Variants in XIST observed in about 807,000 individuals in gnomAD.
XIST encodes X inactive specific transcript, also known as X inactive specific transcript (non-protein coding).
exon 6 of XIST, chrX:73,821,109 G>T: frequency 3.6e-6 from 2 of 558,246 alleles, no homozygotes; most frequent in South Asian, 2.2e-5. Context: ...GAAGAAAGGG[G>T]TGTTACTGAG....
exon 1 of XIST, chrX:73,850,756 G>T (rs1922911710): frequency 2.0e-5 from 5 of 246,436 alleles, no homozygotes; most frequent in Non-Finnish European, 3.7e-5. Flanking sequence ...AGTTGGGGGG[G>T]TTGGGGGGTG....
At chrX:73,846,724 C>G (rs373681270) in exon 1 of XIST, 8 of 559,131 alleles carry the variant, frequency 1.4e-5, no homozygotes, top group Non-Finnish European at 1.9e-5. Flanking sequence ...TCGACAAATA[C>G]AATCACACAT....
exon 1 of XIST, chrX:73,844,404 T>C (rs758111966): frequency 5.4e-6 from 3 of 558,481 alleles, no homozygotes; most frequent in East Asian, 3.3e-5. Flanking sequence ...CCTTATCTAG[T>C]ACACAAGAAT....
At chrX:73,845,734 A>G (rs1435230131) in exon 1 of XIST, 1 of 535,408 alleles carries the variant, frequency 1.9e-6, no homozygotes, top group African/African-American at 2.4e-5. Flanking sequence ...GTGGTCACTT[A>G]TAATTGTGCA....
chrX:73,837,364 C>A, intron 2 of XIST: 1 of 424,624 alleles, frequency 2.4e-6, no homozygotes, highest in Non-Finnish European at 4.1e-6. Context: ...GAGAGACATT[C>A]TATAGAATAC....
chrX:73,851,572 A>G lies in XIST; in HGVS notation n.1152T>C, dbSNP rs768002244. 47 of 557,372 alleles carry G rather than the reference A, an allele frequency of 8.4e-5. No homozygotes were observed. In the East Asian group the frequency reaches 1.3e-3, roughly 16 times the overall value. The allele number at this position is 557,372 out of a possible 1,213,427, so 45.9% of individuals were successfully genotyped here. ...TCAAAATCGCCATTTTAAGCCCTGC[A>G]CCTTAGTCTTTCCTAACCTTCCATT... On this transcript the variant is annotated non_coding_transcript_exon_variant, in exon 1 of 6. Transcript: ENST00000429829.
exon 1 of XIST, chrX:73,849,785 T>C: frequency 1.9e-6 from 1 of 531,932 alleles, no homozygotes; most frequent in Non-Finnish European, 3.4e-6. Context: ...CAATGAAAAT[T>C]AGAGTGACTT....
intron 1 of XIST, among the ~76,000 whole-genome samples, chrX:73,839,516 C>G (rs67249756): frequency 0.094 from 10,410 of 110,931 alleles, 611 homozygotes; most frequent in African/African-American, 0.21. Context: ...CTGAACCAAA[C>G]TCAGAGCCAG....
At chrX:73,846,048 C>T in exon 1 of XIST, 1 of 557,362 alleles carries the variant, frequency 1.8e-6, no homozygotes, top group Non-Finnish European at 3.2e-6. Flanking sequence ...CTTGATTGTC[C>T]AAACGTAAGC....
At chrX:73,850,601 T>C (rs369472479) in exon 1 of XIST, 12 of 520,695 alleles carry the variant, frequency 2.3e-5, no homozygotes, top group Non-Finnish European at 4.1e-5. Context: ...ATTCTGGTCC[T>C]TGCCACGGCT....
chrX:73,834,916 C>T (rs2147700884), intron 2 of XIST, among the ~76,000 whole-genome samples: 1 of 106,434 alleles, frequency 9.4e-6, no homozygotes, highest in South Asian at 4.4e-4. Flanking sequence ...ATTGCTTGAT[C>T]ATGGGGGAAG....
chrX:73,850,064 A>G (rs1922878360), exon 1 of XIST: 1 of 557,071 alleles, frequency 1.8e-6, no homozygotes, highest in Non-Finnish European at 3.2e-6. Flanking sequence ...GTAGGTGATT[A>G]GTCAATTAGT....
exon 1 of XIST, chrX:73,842,194 G>A: frequency 2.0e-6 from 1 of 512,354 alleles, no homozygotes; most frequent in Non-Finnish European, 3.5e-6. Context: ...ATAATAATAA[G>A]CAATTTTTCT....
chrX:73,849,384 G>T (rs1569512796), exon 1 of XIST: 1 of 558,965 alleles, frequency 1.8e-6, no homozygotes, highest in Admixed American at 2.2e-5. Flanking sequence ...CAATGGGTAG[G>T]ATTATTGGCA....
chrX:73,827,752 A>G lies in XIST; in HGVS notation n.12149T>C, dbSNP rs758714784. The stretch of plus-strand genomic sequence containing the variant: ...ATGTGACCCAAAAAGGAGACATGAA[A>G]TAAAGCGTGAAAGAAGAGCCACATC... On this transcript the variant is annotated non_coding_transcript_exon_variant, in exon 6 of 6. Transcript: ENST00000429829. 4 of 547,247 alleles carry G rather than the reference A, an allele frequency of 7.3e-6. No homozygotes were observed. In the Admixed American group the frequency reaches 9.2e-5, roughly 13 times the overall value. The allele number at this position is 547,247 out of a possible 1,213,427, so 45.1% of individuals were successfully genotyped here.
At chrX:73,824,172 G>A (rs941395871) in exon 6 of XIST, 5 of 516,610 alleles carry the variant, frequency 9.7e-6, no homozygotes, top group African/African-American at 2.3e-5. Context: ...ACACAATAAA[G>A]ATGGTTTATC....
chrX:73,845,859 G>A (rs779039267), exon 1 of XIST: 1 of 538,838 alleles, frequency 1.9e-6, no homozygotes, highest in African/African-American at 2.5e-5. Context: ...TAATACACAG[G>A]AACCCAGACA....
chrX:73,845,474 G>A (rs765647129), exon 1 of XIST: 1 of 556,812 alleles, frequency 1.8e-6, no homozygotes, highest in Middle Eastern at 3.1e-4. Flanking sequence ...AGGGTATATG[G>A]AGTGGACACT....
exon 1 of XIST, chrX:73,849,353 G>A (rs377613290): frequency 1.6e-5 from 9 of 557,010 alleles, no homozygotes; most frequent in Admixed American, 1.3e-4. Flanking sequence ...ATGCAAATGG[G>A]GTTCAGAGTG....
Sources: gnomAD v4.1 joint callset for allele counts (sites outside exome capture counted in the v4.1 genomes callset) on GRCh38, gnomAD v4.1.1 for gene constraint, MANE v1.5 for transcripts, NCBI Gene and HGNC (gene_info 2026-07-23, HGNC 2026-07-21) for gene names.